TUSC3: variants seen among roughly 807,000 people sequenced by gnomAD.
TUSC3 encodes the protein tumor suppressor candidate 3.
Under a neutral mutation model 44.8 loss-of-function variants are expected in TUSC3, and 45 were observed. The observed-to-expected ratio is 1.00, with a 90% CI of 0.79 to 1.29. The LOEUF (loss-of-function observed/expected upper bound fraction) is 1.29. Ranked by LOEUF, TUSC3 falls within the 50% of genes most tolerant of loss-of-function variation. The probability of loss-of-function intolerance (pLI) is 0.00; values close to 1 mark genes in which losing one functional copy is unlikely to be tolerated. For synonymous variants in TUSC3, 212 were observed against 152.9 expected, an observed-to-expected ratio of 1.39 and a Z score of -2.85; for missense variants, 519 against 437.9, an observed-to-expected ratio of 1.19 and a Z score of -1.65.
At chr8:15,501,221 A>G (rs1800960501) in intron 2 of TUSC3, among the ~76,000 whole-genome samples, 1 of 152,106 alleles carries the variant, frequency 6.6e-6, no homozygotes, top group African/African-American at 2.4e-5. Flanking sequence ...TTTGCTAACC[A>G]ATTTTCTCTC....
chr8:15,730,051 A>G (rs1178942131), intron 6 of TUSC3, among the ~76,000 whole-genome samples: 1 of 152,102 alleles, frequency 6.6e-6, no homozygotes, highest in Non-Finnish European at 1.5e-5. Context: ...TGATATTCGT[A>G]AGAGAGATTA....
chr8:15,740,555 C>T (rs1811148192), intron 7 of TUSC3, among the ~76,000 whole-genome samples: 1 of 151,032 alleles, frequency 6.6e-6, no homozygotes, highest in Non-Finnish European at 1.5e-5. Flanking sequence ...AAGATTAAAC[C>T]CAAAAAAGAG....
chr8:15,428,953 G>T (rs1013821817), intron 1 of TUSC3, among the ~76,000 whole-genome samples: 1 of 152,134 alleles, frequency 6.6e-6, no homozygotes, highest in Admixed American at 6.5e-5. Flanking sequence ...TGCTTTTGCT[G>T]TGCAGAAGCT....
intron 8 of TUSC3, among the ~76,000 whole-genome samples, chr8:15,746,093 G>A (rs917397013): frequency 6.6e-6 from 1 of 151,958 alleles, no homozygotes. Flanking sequence ...TTATTTCTGC[G>A]ATTTCTATTC....
At chr8:15,563,685 C>CAAAAAAAAA (rs150368776) in intron 1 of TUSC3, among the ~76,000 whole-genome samples, 1,985 of 79,832 alleles carry the variant, frequency 0.025, 118 homozygotes, top group African/African-American at 0.087. Flanking sequence ...GCCTCCATCT[C>CAAAAAAAAA]AAAAAAAAAA....
intron 7 of TUSC3, among the ~76,000 whole-genome samples, chr8:15,736,740 A>C (rs2129211000): frequency 6.6e-6 from 1 of 152,254 alleles, no homozygotes; most frequent in Admixed American, 6.5e-5. Flanking sequence ...ATCAATCAGT[A>C]GTCAGTCCAG....
the TUSC3 span, among the ~76,000 whole-genome samples, chr8:15,815,745 T>C: frequency 6.6e-6 from 1 of 152,174 alleles, no homozygotes; most frequent in African/African-American, 2.4e-5. Context: ...AGTTCAAATC[T>C]CTTGATTCAG....
chr8:15,543,580 T>TATA (rs1801760626), intron 1 of TUSC3, among the ~76,000 whole-genome samples: 1 of 152,060 alleles, frequency 6.6e-6, no homozygotes, highest in African/African-American at 2.4e-5. Context: ...ATGTAAAATA[T>TATA]ATAACTATAT....
At chr8:15,703,332 A>G (rs1223107652) in intron 6 of TUSC3, among the ~76,000 whole-genome samples, 6 of 152,138 alleles carry the variant, frequency 3.9e-5, no homozygotes, top group African/African-American at 1.2e-4. Flanking sequence ...TATACTTTCA[A>G]TTTCCTTTTC....
intron 1 of TUSC3, among the ~76,000 whole-genome samples, chr8:15,595,389 T>C (rs1356190843): frequency 6.6e-6 from 1 of 152,124 alleles, no homozygotes; most frequent in Non-Finnish European, 1.5e-5. Context: ...TCTGTTTCCA[T>C]AGCTCAGGAG....
intron 8 of TUSC3, among the ~76,000 whole-genome samples, chr8:15,747,545 A>T (rs1236448444): frequency 6.6e-6 from 1 of 152,084 alleles, no homozygotes; most frequent in Non-Finnish European, 1.5e-5. Flanking sequence ...TACTAACTGC[A>T]GTGAATCTTG....
At chr8:15,424,007 T>TTTTTTA (rs1799774886) in intron 1 of TUSC3, among the ~76,000 whole-genome samples, 1 of 98,876 alleles carries the variant, frequency 1.0e-5, no homozygotes, top group Non-Finnish European at 1.9e-5. Flanking sequence ...TTTTTTTTTT[T>TTTTTTA]GAGAAGGAGT....
At chr8:15,839,398 G>C in the TUSC3 span, among the ~76,000 whole-genome samples, 1 of 152,030 alleles carries the variant, frequency 6.6e-6, no homozygotes, top group East Asian at 1.9e-4. Flanking sequence ...CACTATGTTG[G>C]ATAGAAGTGG....
At chr8:15,806,246 T>C in the TUSC3 span, 1 of 569,542 alleles carries the variant, frequency 1.8e-6, no homozygotes, top group South Asian at 1.7e-5. Context: ...TGTTTGCCAA[T>C]TCACCTCCAG....
intron 1 of TUSC3, among the ~76,000 whole-genome samples, chr8:15,428,151 G>T (rs1208166517): frequency 8.1e-6 from 1 of 123,160 alleles, no homozygotes; most frequent in Non-Finnish European, 1.6e-5. Flanking sequence ...GCCAGTGTGT[G>T]ATCGTCCCCT....
rs772362173 is a variant in TUSC3 at position 15,650,764 on chromosome 8, CTCT to C, written c.382_384del (p.Phe128del). On this transcript the variant is annotated inframe_deletion, in exon 3 of 11. Transcript: ENST00000503731. The stretch of plus-strand genomic sequence containing the variant: ...CTATTCATCTGCTTTTTGTAACAAG[CTCT>C]TCTTCAGTATGGTGGACTATGATGA... 6.2e-7 allele frequency: 1 copy of C among 1,614,144 alleles called. No homozygotes were observed. Among genetic ancestry groups the C allele is most frequent in the Non-Finnish European group, 8.5e-7 (1 of 1,180,030 alleles).
At chr8:15,734,316 G>T (rs1251030344) in intron 7 of TUSC3, among the ~76,000 whole-genome samples, 1 of 152,100 alleles carries the variant, frequency 6.6e-6, no homozygotes, top group East Asian at 1.9e-4. Flanking sequence ...AACAGATGGA[G>T]CATTTTGTAT....
chr8:15,554,488 A>C (rs904758389), intron 1 of TUSC3, among the ~76,000 whole-genome samples: 2 of 151,560 alleles, frequency 1.3e-5, no homozygotes, highest in Non-Finnish European at 2.9e-5. Context: ...ACAATGAAGA[A>C]ATGTACTTTT....
At chr8:15,642,183 A>G (rs1042636243) in intron 2 of TUSC3, among the ~76,000 whole-genome samples, 3 of 152,332 alleles carry the variant, frequency 2.0e-5, no homozygotes, top group East Asian at 1.9e-4. Context: ...GTTGCTTGTC[A>G]TGGAATTTTG....
Sources: allele counts gnomAD v4.1 joint callset (sites outside exome capture counted in the v4.1 genomes callset), GRCh38; gene constraint gnomAD v4.1.1; transcripts MANE v1.5; gene names NCBI Gene and HGNC (gene_info 2026-07-23, HGNC 2026-07-21).